The following CCDC30 variants were observed in gnomAD, a reference collection of about 807,000 sequenced individuals.
The protein encoded by CCDC30 is coiled-coil domain containing 30, also known as coiled-coil domain-containing protein 30.
A neutral mutation model predicts 100.2 loss-of-function variants in CCDC30; 70 were observed. The observed-to-expected ratio is 0.70, with a 90% CI of 0.58 to 0.85. The LOEUF is 0.85. Among genes scored for constraint, CCDC30 ranks in the 40% least tolerant of loss-of-function variants. The probability of loss-of-function intolerance (pLI) is 0.00; values close to 1 mark genes in which losing one functional copy is unlikely to be tolerated. For synonymous variants in CCDC30, 233 were observed against 269.5 expected (o/e 0.86, Z 1.33); for missense variants, 652 against 771.2 (o/e 0.85, Z 1.83).
intron 9 of CCDC30, among the ~76,000 whole-genome samples, chr1:42,582,025 C>T (rs984631060): frequency 6.8e-6 from 1 of 146,346 alleles, no homozygotes; most frequent in African/African-American, 2.6e-5. Flanking sequence ...AGTTTGAGAC[C>T]AGCCTGGGCA....
intron 6 of CCDC30, among the ~76,000 whole-genome samples, chr1:42,508,546 C>A (rs1457035720): frequency 6.6e-6 from 1 of 152,176 alleles, no homozygotes; most frequent in Non-Finnish European, 1.5e-5. Context: ...AATTTGATAG[C>A]CCCAAAACTT....
At chr1:42,653,145 T>G (rs1648495660) in intron 15 of CCDC30, among the ~76,000 whole-genome samples, 1 of 152,102 alleles carries the variant, frequency 6.6e-6, no homozygotes, top group Non-Finnish European at 1.5e-5. Context: ...GTACCATGTG[T>G]GTAAAACTAG....
intron 10 of CCDC30, among the ~76,000 whole-genome samples, chr1:42,601,988 T>A (rs1025863334): frequency 1.1e-4 from 17 of 152,190 alleles, no homozygotes; most frequent in African/African-American, 2.4e-4. Context: ...ATATTGAAAA[T>A]TTTTTAAATC....
At chr1:42,564,916 G>A (rs1048755477) in intron 6 of CCDC30, among the ~76,000 whole-genome samples, 2 of 151,952 alleles carry the variant, frequency 1.3e-5, no homozygotes, top group African/African-American at 2.4e-5. Context: ...CAGAGTCCAC[G>A]TATAAGTGAG....
intron 15 of CCDC30, among the ~76,000 whole-genome samples, chr1:42,648,154 G>C (rs1391200339): frequency 6.6e-6 from 1 of 151,726 alleles, no homozygotes; most frequent in African/African-American, 2.4e-5. Flanking sequence ...TGGTCAGGCT[G>C]GTCTGGAACT....
intron 6 of CCDC30, chr1:42,542,842 C>G (rs992406385): frequency 1.3e-5 from 2 of 152,264 alleles, no homozygotes; most frequent in Non-Finnish European, 2.9e-5. Context: ...CGTGAGCCAC[C>G]GCGCCCGGCC....
chr1:42,562,521 A>C (rs1416299564), intron 6 of CCDC30, among the ~76,000 whole-genome samples: 1 of 152,226 alleles, frequency 6.6e-6, no homozygotes, highest in Non-Finnish European at 1.5e-5. Flanking sequence ...AAACCTAGGC[A>C]ATACTATTCA....
intron 10 of CCDC30, among the ~76,000 whole-genome samples, chr1:42,607,012 C>T (rs1646515095): frequency 6.6e-5 from 10 of 152,120 alleles, no homozygotes; most frequent in Admixed American, 6.6e-4. Flanking sequence ...TGCAGGATTA[C>T]TATAAGAAGG....
intron 7 of CCDC30, among the ~76,000 whole-genome samples, chr1:42,573,114 T>C (rs539212321): frequency 6.6e-6 from 1 of 152,332 alleles, no homozygotes; most frequent in African/African-American, 2.4e-5. Context: ...ATAAGTTTTA[T>C]AATCAGTTTG....
chr1:42,640,997 T>A (rs1647340874), intron 12 of CCDC30, among the ~76,000 whole-genome samples: 1 of 152,102 alleles, frequency 6.6e-6, no homozygotes, highest in African/African-American at 2.4e-5. Flanking sequence ...GTCTCATGCC[T>A]GTAATCCCAG....
intron 6 of CCDC30, chr1:42,558,105 T>C (rs1570052580): frequency 7.1e-6 from 2 of 282,036 alleles, no homozygotes; most frequent in South Asian, 3.1e-5. Flanking sequence ...CAGTTGACTT[T>C]CTTGAAAAAT....
intron 6 of CCDC30, among the ~76,000 whole-genome samples, chr1:42,555,450 A>G (rs747085923): frequency 6.6e-6 from 1 of 152,136 alleles, no homozygotes; most frequent in Non-Finnish European, 1.5e-5. Context: ...TCTTATCCTC[A>G]TTCATCACTA....
chr1:42,459,950 A>C (rs1356392464), upstream of CCDC30: 1 of 1,565,634 alleles, frequency 6.4e-7, no homozygotes, highest in African/African-American at 1.4e-5. Context: ...TATAGGATCA[A>C]AAATTGTTCA....
chr1:42,653,213 G>T (rs112797324), intron 15 of CCDC30, among the ~76,000 whole-genome samples, 163 bp from the exon 20 acceptor site: 226 of 152,142 alleles, frequency 1.5e-3, no homozygotes, highest in African/African-American at 3.1e-3. Flanking sequence ...TATATATAGA[G>T]AGAGAGAGGG....
intron 10 of CCDC30, among the ~76,000 whole-genome samples, chr1:42,595,956 C>T (rs1326673427): frequency 6.6e-6 from 1 of 152,176 alleles, no homozygotes; most frequent in Non-Finnish European, 1.5e-5. Flanking sequence ...CAGACTTCTA[C>T]GTTCTGATCC....
intron 6 of CCDC30, among the ~76,000 whole-genome samples, chr1:42,554,570 C>T (rs959531389): frequency 1.4e-4 from 22 of 151,790 alleles, no homozygotes; most frequent in Admixed American, 1.1e-3. Context: ...AGCCACCACA[C>T]CTGACCATGG....
chr1:42,602,459 G>C (rs1646423074), intron 10 of CCDC30, among the ~76,000 whole-genome samples: 1 of 152,036 alleles, frequency 6.6e-6, no homozygotes, highest in Non-Finnish European at 1.5e-5. Context: ...GAAATGAAAA[G>C]AGGGAACATT....
intron 6 of CCDC30, chr1:42,539,255 AT>A: frequency 6.2e-7 from 1 of 1,610,776 alleles, no homozygotes. Flanking sequence ...AGCAAAGACC[AT>A]TTTTTAATAG....
chr1:42,458,953 C>T (rs1226347871), upstream of CCDC30, among the ~76,000 whole-genome samples: 1 of 152,174 alleles, frequency 6.6e-6, no homozygotes, highest in East Asian at 1.9e-4. Flanking sequence ...ATTTAGGCTT[C>T]TGCCAAATAT....
Sources: gnomAD v4.1 joint callset for allele counts (sites outside exome capture counted in the v4.1 genomes callset) on GRCh38, gnomAD v4.1.1 for gene constraint, MANE v1.5 for transcripts, NCBI Gene and HGNC (gene_info 2026-07-23, HGNC 2026-07-21) for gene names.